Variants in ZCCHC17 observed in about 807,000 individuals in gnomAD.
The protein encoded by ZCCHC17 is zinc finger CCHC domain-containing protein 17.
A neutral mutation model predicts 30.6 loss-of-function variants in ZCCHC17; 18 were observed. The ratio of observed to expected loss-of-function variants is 0.59; its 90% CI spans 0.41 to 0.87. The LOEUF is 0.87. Among genes scored for constraint, ZCCHC17 ranks in the 40% least tolerant of loss-of-function variants. ZCCHC17 has a pLI of 0.00. For missense variants in ZCCHC17, 263 were observed against 284.2 expected, an observed-to-expected ratio of 0.93 and a Z score of 0.54; for synonymous variants, 88 against 92.4, an observed-to-expected ratio of 0.95 and a Z score of 0.27.
intron 7 of ZCCHC17, among the ~76,000 whole-genome samples, chr1:31,357,030 G>C (rs548844669): frequency 1.3e-5 from 2 of 152,282 alleles, no homozygotes; most frequent in Admixed American, 6.5e-5. Context: ...CTGAATCGGT[G>C]TTATGTTATG....
chr1:31,334,225 A>G (rs770150367), intron 3 of ZCCHC17, among the ~76,000 whole-genome samples: 4 of 151,974 alleles, frequency 2.6e-5, no homozygotes, highest in Non-Finnish European at 5.9e-5. Context: ...GGATAGAGAA[A>G]GTAGTGGCTC....
At chr1:31,332,909 A>G (rs1198781136) in intron 3 of ZCCHC17, among the ~76,000 whole-genome samples, 2 of 152,160 alleles carry the variant, frequency 1.3e-5, no homozygotes, top group Non-Finnish European at 2.9e-5. Flanking sequence ...AGCATGAGCC[A>G]CCGCGCTTGG....
chr1:31,306,949 T>C (rs907155708), intron 1 of ZCCHC17, among the ~76,000 whole-genome samples: 2 of 152,186 alleles, frequency 1.3e-5, no homozygotes, highest in African/African-American at 4.8e-5. Flanking sequence ...GCAATTCTCC[T>C]GCCTCAGCCT....
At chr1:31,342,992 G>A (rs776571960) in intron 5 of ZCCHC17, among the ~76,000 whole-genome samples, 15 of 152,228 alleles carry the variant, frequency 9.9e-5, no homozygotes, top group Non-Finnish European at 1.5e-4. Flanking sequence ...AGAGGATATG[G>A]TCAAGTACTA....
intron 2 of ZCCHC17, among the ~76,000 whole-genome samples, chr1:31,315,584 A>G (rs938382089): frequency 6.6e-6 from 1 of 152,136 alleles, no homozygotes; most frequent in African/African-American, 2.4e-5. Flanking sequence ...AGTAAAAAAA[A>G]AGTCTGTGTT....
At chr1:31,347,179 A>G (rs1284170580) in intron 6 of ZCCHC17, among the ~76,000 whole-genome samples, 6 of 152,208 alleles carry the variant, frequency 3.9e-5, no homozygotes, top group Admixed American at 3.3e-4. Context: ...TGAATACAAT[A>G]TCTTTTTACA....
intron 2 of ZCCHC17, among the ~76,000 whole-genome samples, chr1:31,313,781 ACT>A (rs1341140979): frequency 6.6e-6 from 1 of 151,906 alleles, no homozygotes; most frequent in African/African-American, 2.4e-5. Context: ...AGGGAAGAAC[ACT>A]CTGCCCTCCA....
At chr1:31,325,749 C>T (rs1638314485) in intron 3 of ZCCHC17, among the ~76,000 whole-genome samples, 1 of 152,240 alleles carries the variant, frequency 6.6e-6, no homozygotes, top group Non-Finnish European at 1.5e-5. Context: ...TGAATGCAGC[C>T]TGCCAGGCCA....
chr1:31,316,205 G>A (rs149085696), intron 2 of ZCCHC17, among the ~76,000 whole-genome samples: 1 of 152,068 alleles, frequency 6.6e-6, no homozygotes, highest in Non-Finnish European at 1.5e-5. Flanking sequence ...GTGTTCAAAC[G>A]ATTTTCGTGC....
At chr1:31,317,709 G>A (rs917776366) in intron 2 of ZCCHC17, among the ~76,000 whole-genome samples, 1 of 151,990 alleles carries the variant, frequency 6.6e-6, no homozygotes, top group African/African-American at 2.4e-5. Flanking sequence ...CTCAGGCCAC[G>A]CTCCAGCCTC....
At chr1:31,310,309 C>T (rs1333463155) in intron 2 of ZCCHC17, 145 bp downstream of exon 2, 11 of 671,420 alleles carry the variant, frequency 1.6e-5, no homozygotes, top group Non-Finnish European at 2.2e-5. Context: ...CTGGCAATCA[C>T]ATGTGCCTTC....
intron 1 of ZCCHC17, 37 bp from the exon 2 acceptor site, chr1:31,310,007 A>C: frequency 4.9e-6 from 6 of 1,214,948 alleles, no homozygotes; most frequent in Non-Finnish European, 6.0e-6. Context: ...TTTAATGCAG[A>C]TATCTCTCTA....
intron 7 of ZCCHC17, among the ~76,000 whole-genome samples, chr1:31,357,759 C>CTTT (rs34448655): frequency 2.3e-4 from 33 of 143,840 alleles, no homozygotes; most frequent in African/African-American, 3.8e-4. Flanking sequence ...CCAGGCCTTT[C>CTTT]TTTTTTTTTT....
chr1:31,326,689 G>A (rs1424292633), intron 3 of ZCCHC17, among the ~76,000 whole-genome samples: 2 of 152,152 alleles, frequency 1.3e-5, no homozygotes, highest in South Asian at 2.1e-4. Context: ...TCTGATTGTG[G>A]CTGACAGCTT....
chr1:31,326,251 G>A (rs1638339561), intron 3 of ZCCHC17, among the ~76,000 whole-genome samples: 1 of 151,976 alleles, frequency 6.6e-6, no homozygotes, highest in Non-Finnish European at 1.5e-5. Flanking sequence ...CATGGAAGAG[G>A]GACTTTGACT....
At chr1:31,299,200 G>A (rs1216926768) in intron 1 of ZCCHC17, among the ~76,000 whole-genome samples, 1 of 152,092 alleles carries the variant, frequency 6.6e-6, no homozygotes, top group Non-Finnish European at 1.5e-5. Context: ...CTAACCGATG[G>A]GGATAAGGGA....
At chr1:31,319,199 G>T in intron 3 of ZCCHC17, 33 bp downstream of exon 3, 1 of 1,574,998 alleles carries the variant, frequency 6.3e-7, no homozygotes, top group Non-Finnish European at 8.7e-7. Context: ...TCAGCCCTCT[G>T]ATTCTACTCT....
chr1:31,319,184 G>T lies in ZCCHC17; in HGVS notation c.124+18G>T. 1 of 1,600,848 alleles carries T rather than the reference G, an allele frequency of 6.2e-7. No individual in the cohort carries two copies. The highest frequency in any genetic ancestry group is 1.1e-5 in the South Asian group (1 of 90,028). On this transcript the variant is annotated intron_variant, in intron 3 of 7. Coordinates refer to ENST00000344147, the MANE Select transcript of ZCCHC17 (RefSeq NM_016505.4). The stretch of plus-strand genomic sequence containing the variant: ...GAAGCAAGGTAGGAGTTTATAACTT[G>T]AAATTCAGCCCTCTGATTCTACTCT...
chr1:31,355,214 A>G (rs1453624041), intron 7 of ZCCHC17, among the ~76,000 whole-genome samples: 1 of 151,412 alleles, frequency 6.6e-6, no homozygotes, highest in East Asian at 1.9e-4. Flanking sequence ...CTTTGTGTAT[A>G]TGAACTTCTA....
Sources: gnomAD v4.1 joint callset for allele counts (sites outside exome capture counted in the v4.1 genomes callset) on GRCh38, gnomAD v4.1.1 for gene constraint, MANE v1.5 for transcripts, NCBI Gene and HGNC (gene_info 2026-07-23, HGNC 2026-07-21) for gene names.